Variants in SPMIP10 observed in about 807,000 individuals in gnomAD.
SPMIP10 encodes the protein sperm microtubule inner protein 10, also known as sperm-associated microtubule inner protein 10.
chr5:126,635,807 C>T, the SPMIP10 span, among the ~76,000 whole-genome samples: 64 of 151,394 alleles, frequency 4.2e-4, no homozygotes, highest in African/African-American at 1.5e-3. Flanking sequence ...GCCTCACAGA[C>T]GCGTGCCACG....
At chr5:126,631,775 T>C in the SPMIP10 span, 3 of 1,612,658 alleles carry the variant, frequency 1.9e-6, no homozygotes, top group Non-Finnish European at 2.5e-6. Flanking sequence ...TTGCCTAAAC[T>C]CACTAACAAC....
At chr5:126,633,383 C>G in the SPMIP10 span, among the ~76,000 whole-genome samples, 2 of 152,076 alleles carry the variant, frequency 1.3e-5, no homozygotes, top group Non-Finnish European at 2.9e-5. Context: ...TTTTTGGAGA[C>G]AGGGTCTCGC....
the SPMIP10 span, among the ~76,000 whole-genome samples, chr5:126,635,273 A>G: frequency 6.6e-6 from 1 of 151,932 alleles, no homozygotes; most frequent in African/African-American, 2.4e-5. Context: ...TGAAGAATCA[A>G]AAGTAGATGT....
chr5:126,635,211 C>T, the SPMIP10 span, among the ~76,000 whole-genome samples: 3 of 143,890 alleles, frequency 2.1e-5, no homozygotes, highest in African/African-American at 7.8e-5. Context: ...ACACAGCATA[C>T]CAGAGTTGGG....
chr5:126,634,634 T>C, the SPMIP10 span, among the ~76,000 whole-genome samples: 164 of 152,298 alleles, frequency 1.1e-3, no homozygotes, highest in Non-Finnish European at 1.9e-3. Flanking sequence ...TTTGATTGCA[T>C]CAAAACACTT....
the SPMIP10 span, chr5:126,636,164 GAT>G: frequency 6.2e-7 from 1 of 1,614,172 alleles, no homozygotes; most frequent in African/African-American, 1.3e-5. Flanking sequence ...AAAAATTGCA[GAT>G]ATGCCTTTGC....
chr5:126,633,980 G>T, the SPMIP10 span, among the ~76,000 whole-genome samples: 1 of 152,146 alleles, frequency 6.6e-6, no homozygotes, highest in Admixed American at 6.6e-5. Flanking sequence ...TTTTATAACA[G>T]CAGGAAAACT....
At chr5:126,635,219 G>C in the SPMIP10 span, among the ~76,000 whole-genome samples, 1 of 148,998 alleles carries the variant, frequency 6.7e-6, no homozygotes, top group Non-Finnish European at 1.5e-5. Flanking sequence ...TACCAGAGTT[G>C]GGGCTGCATC....
the SPMIP10 span, chr5:126,636,171 C>T: frequency 6.2e-7 from 1 of 1,614,136 alleles, no homozygotes; most frequent in Non-Finnish European, 8.5e-7. Flanking sequence ...GCAGATATGC[C>T]TTTGCATTCG....
the SPMIP10 span, chr5:126,632,618 G>C: frequency 6.2e-7 from 1 of 1,610,420 alleles, no homozygotes; most frequent in Non-Finnish European, 8.5e-7. Flanking sequence ...TCATGCCTTG[G>C]AAAGAAAACA....
At chr5:126,635,915 G>A in the SPMIP10 span, 12 of 831,210 alleles carry the variant, frequency 1.4e-5, no homozygotes, top group East Asian at 2.4e-5. Flanking sequence ...TCCTGTCTTG[G>A]CCTCCCAAAT....
chr5:126,633,347 G>A, the SPMIP10 span, among the ~76,000 whole-genome samples: 1 of 151,972 alleles, frequency 6.6e-6, no homozygotes, highest in Admixed American at 6.6e-5. Context: ...TCAGTCAGCA[G>A]TTTTATTTAT....
chr5:126,634,007 C>T, the SPMIP10 span, among the ~76,000 whole-genome samples: 2 of 152,098 alleles, frequency 1.3e-5, no homozygotes, highest in Non-Finnish European at 2.9e-5. Context: ...GGTAAAATGC[C>T]GCAGCCACTG....
chr5:126,634,346 C>T, the SPMIP10 span, among the ~76,000 whole-genome samples: 7 of 152,030 alleles, frequency 4.6e-5, no homozygotes, highest in Admixed American at 2.0e-4. Context: ...GCAGGAGAAT[C>T]GCTTGAATCC....
the SPMIP10 span, chr5:126,636,202 C>G: frequency 6.2e-7 from 1 of 1,614,094 alleles, no homozygotes; most frequent in Non-Finnish European, 8.5e-7. Flanking sequence ...GATACCAAAG[C>G]ACTGTGATTT....
the SPMIP10 span, among the ~76,000 whole-genome samples, chr5:126,635,810 G>C: frequency 0.013 from 1,993 of 151,308 alleles, 53 homozygotes; most frequent in African/African-American, 0.047. Flanking sequence ...TCACAGACGC[G>C]TGCCACGACA....
At chr5:126,631,919 T>C in the SPMIP10 span, 1 of 745,274 alleles carries the variant, frequency 1.3e-6, no homozygotes, top group Admixed American at 2.3e-5. Context: ...CTTTGGCATC[T>C]ATACAGAAAG....
the SPMIP10 span, chr5:126,632,737 T>A: frequency 1.2e-6 from 1 of 830,606 alleles, no homozygotes. Flanking sequence ...CCAATAATCC[T>A]AGCACTTTGG....
At chr5:126,634,929 T>C in the SPMIP10 span, among the ~76,000 whole-genome samples, 7 of 151,904 alleles carry the variant, frequency 4.6e-5, no homozygotes, top group Non-Finnish European at 1.0e-4. Flanking sequence ...TCTTAGCACG[T>C]TGGGAGGCTG....
Sources: allele counts gnomAD v4.1 joint callset (sites outside exome capture counted in the v4.1 genomes callset), GRCh38; gene constraint gnomAD v4.1.1; transcripts MANE v1.5; gene names NCBI Gene and HGNC (gene_info 2026-07-23, HGNC 2026-07-21).